The following THAP8 variants were observed in gnomAD, a reference collection of about 807,000 sequenced individuals.
THAP8 encodes the protein THAP domain-containing protein 8.
THAP8 carries 24 observed loss-of-function variants against 25.0 expected under a neutral mutation model. The ratio of observed to expected loss-of-function variants is 0.96; its 90% CI spans 0.69 to 1.35. THAP8 has a LOEUF of 1.35. Ranked by LOEUF, THAP8 falls within the 40% of genes most tolerant of loss-of-function variation. The pLI is 0.00. For missense variants in THAP8, 399 were observed against 368.8 expected, an observed-to-expected ratio of 1.08 and a Z score of -0.67; for synonymous variants, 169 against 157.6, an observed-to-expected ratio of 1.07 and a Z score of -0.54.
At chr19:36,047,821 C>T (rs1969926880) in intron 1 of THAP8, among the ~76,000 whole-genome samples, 1 of 146,174 alleles carries the variant, frequency 6.8e-6, no homozygotes, top group African/African-American at 2.5e-5. Flanking sequence ...CAGAATGAGA[C>T]TTTCAAAAAA....
chr19:36,042,042 A>G (rs926279185), intron 1 of THAP8, among the ~76,000 whole-genome samples: 1 of 151,688 alleles, frequency 6.6e-6, no homozygotes, highest in Non-Finnish European at 1.5e-5. Context: ...CTATGATCAC[A>G]CTACTGCATT....
intron 3 of THAP8, among the ~76,000 whole-genome samples, chr19:36,037,030 C>T (rs919549178): frequency 6.6e-6 from 1 of 151,678 alleles, no homozygotes; most frequent in African/African-American, 2.4e-5. Context: ...GTCTAGCATT[C>T]AGAGCTCTGT....
intron 1 of THAP8, among the ~76,000 whole-genome samples, chr19:36,041,603 T>C (rs1318296736): frequency 1.3e-5 from 2 of 152,010 alleles, no homozygotes; most frequent in African/African-American, 4.8e-5. Flanking sequence ...TCAACAACAA[T>C]AAAACACAAA....
At chr19:36,054,545 A>C, upstream of THAP8, 2 of 549,994 alleles carry the variant, frequency 3.6e-6, no homozygotes. Flanking sequence ...AACCAAATCA[A>C]CTGGCTAGTC....
At chr19:36,047,777 C>T (rs1406591765) in intron 1 of THAP8, among the ~76,000 whole-genome samples, 1 of 151,114 alleles carries the variant, frequency 6.6e-6, no homozygotes, top group Non-Finnish European at 1.5e-5. Context: ...TTGCAGTGAG[C>T]TGAGACTGTG....
chr19:36,039,907 G>A, intron 2 of THAP8, 37 bp downstream of exon 2: 1 of 1,610,560 alleles, frequency 6.2e-7, no homozygotes, highest in Non-Finnish European at 8.5e-7. Flanking sequence ...GGAGGTCTGG[G>A]GGTTGGATTC....
intron 1 of THAP8, among the ~76,000 whole-genome samples, chr19:36,049,229 A>C (rs1335682484): frequency 6.6e-6 from 1 of 151,954 alleles, no homozygotes; most frequent in Admixed American, 6.6e-5. Flanking sequence ...CATAAAAATA[A>C]AAAAGAAAAA....
chr19:36,039,751 G>A (rs746140437), intron 2 of THAP8, 33 bp from the exon 3 acceptor site: 26 of 1,489,112 alleles, frequency 1.7e-5, no homozygotes, highest in African/African-American at 2.8e-5. Flanking sequence ...CAGGGGTGCC[G>A]TGGTCAGACT....
intron 1 of THAP8, among the ~76,000 whole-genome samples, chr19:36,053,180 G>T (rs1482087335): frequency 6.6e-6 from 1 of 151,720 alleles, no homozygotes; most frequent in East Asian, 1.9e-4. Flanking sequence ...CGATTCTCCT[G>T]CCTCAGCCCA....
At chr19:36,036,272 C>CTTTTTTTT (rs35918803) in intron 3 of THAP8, among the ~76,000 whole-genome samples, 1 of 110,468 alleles carries the variant, frequency 9.1e-6, no homozygotes, top group African/African-American at 3.7e-5. Context: ...AAAGACCAGA[C>CTTTTTTTT]TTTTTTTTTT....
intron 3 of THAP8, among the ~76,000 whole-genome samples, chr19:36,037,373 CA>C (rs1347521548): frequency 3.0e-4 from 45 of 151,798 alleles, no homozygotes; most frequent in African/African-American, 1.0e-3. Flanking sequence ...CACACACACA[CA>C]CACACACCCA....
At chr19:36,039,857 G>A in intron 2 of THAP8, 87 bp downstream of exon 2, 2 of 1,588,844 alleles carry the variant, frequency 1.3e-6, no homozygotes, top group Non-Finnish European at 8.6e-7. Flanking sequence ...AGGAGGGGAG[G>A]GCCAAAGTTC....
At chr19:36,040,829 G>A (rs1199479651) in intron 1 of THAP8, among the ~76,000 whole-genome samples, 2 of 152,028 alleles carry the variant, frequency 1.3e-5, no homozygotes, top group Admixed American at 6.6e-5. Context: ...GTGGGAGATC[G>A]TGCAGCCAAG....
chr19:36,048,869 A>AAAAAAAC (rs1555790111), intron 1 of THAP8, among the ~76,000 whole-genome samples: 1 of 150,748 alleles, frequency 6.6e-6, no homozygotes, highest in African/African-American at 2.5e-5. Context: ...AAAAAACAAA[A>AAAAAAAC]AACACCTTTG....
At chr19:36,042,099 T>G (rs1442737587) in intron 1 of THAP8, among the ~76,000 whole-genome samples, 120 of 124,644 alleles carry the variant, frequency 9.6e-4, no homozygotes, top group Middle Eastern at 4.0e-3. Context: ...GGGGAGGGAG[T>G]AAGAGGGGGA....
chr19:36,035,293 C>A lies in THAP8; in HGVS notation c.*147G>T. 9.6e-7 allele frequency: 1 copy of A among 1,038,604 alleles called. No individual in the cohort carries two copies. 64.3% of individuals were successfully genotyped at this position (1,038,604 alleles called of 1,614,324 possible). Reference sequence around the variant, plus strand: ...GTCACCCCTAAGGTTCAAGAGATCCCTAGGAGTGGGGTGGTAGAACCCAGG... The same window carrying A: ...GTCACCCCTAAGGTTCAAGAGATCCATAGGAGTGGGGTGGTAGAACCCAGG... On this transcript the variant is annotated 3_prime_UTR_variant, in exon 4 of 4. Coordinates refer to ENST00000292894, the MANE Select transcript of THAP8 (RefSeq NM_152658.3).
intron 3 of THAP8, among the ~76,000 whole-genome samples, chr19:36,037,613 C>T (rs868298599): frequency 6.6e-6 from 1 of 152,114 alleles, no homozygotes; most frequent in South Asian, 2.1e-4. Flanking sequence ...ATAGAGACAA[C>T]AGCAGTATTA....
At position 36,039,368 on chromosome 19, in the gene THAP8, G is replaced by A. The variant is rs996788037; in HGVS notation, c.627C>T (p.His209=). Residue 209 remains histidine, a synonymous_variant, in exon 3 of 4, where the codon CAC becomes CAT. Transcript: ENST00000292894. ...QALERLAQQL[H]GESLLARARR... ...GTGCCCGTGCCAGCAGGCTCTCCCC[G>A]TGTAGCTGCTGTGCCAGCCGTTCCA... 18 of 1,535,778 alleles carry A rather than the reference G, an allele frequency of 1.2e-5. 1 individual carries two copies. The Admixed American group carries it at 2.2e-4, about 19-fold the overall frequency.
At position 36,044,099 on chromosome 19, in the gene THAP8, T is replaced by C. The variant is rs139861667; in HGVS notation, c.84-3963A>G. On this transcript the variant is annotated intron_variant, in intron 1 of 3. Transcript: ENST00000292894. ...AAGGCTACCCATAATAAAGACCTCC[T>C]TTTCCAGCCTTATTTGCAGCCAGGG... is the stretch of plus-strand genomic sequence containing the variant. Among the ~76,000 whole-genome samples the C allele has an allele frequency of 3.3e-3, 496 of 152,154 alleles. 6 individuals are homozygous for C. In the South Asian group the frequency reaches 0.033, roughly 10 times the overall value.
Sources: allele counts gnomAD v4.1 joint callset (sites outside exome capture counted in the v4.1 genomes callset), GRCh38; gene constraint gnomAD v4.1.1; transcripts MANE v1.5; gene names NCBI Gene and HGNC (gene_info 2026-07-23, HGNC 2026-07-21).